Variants in AGBL1 observed in about 807,000 individuals in gnomAD.
AGBL1 encodes the protein AGBL carboxypeptidase 1.
Under a neutral mutation model 118.9 loss-of-function variants are expected in AGBL1, and 130 were observed. The observed-to-expected ratio is 1.09, with a 90% CI of 0.95 to 1.26. AGBL1 has a LOEUF of 1.26. Ranked by LOEUF, AGBL1 falls within the 50% of genes most tolerant of loss-of-function variation. The pLI is 0.00. For synonymous variants in AGBL1, 555 were observed against 478.9 expected (o/e 1.16, Z -2.08); for missense variants, 1,584 against 1,298.1 (o/e 1.22, Z -3.38).
intron 23 of AGBL1, among the ~76,000 whole-genome samples, chr15:86,984,408 G>T (rs554949425): frequency 6.7e-6 from 1 of 149,022 alleles, no homozygotes; most frequent in Non-Finnish European, 1.5e-5. Flanking sequence ...TCTGTCGCCC[G>T]GGCTGGAGTG....
At chr15:87,003,630 T>A (rs927924156) in intron 24 of AGBL1, among the ~76,000 whole-genome samples, 3 of 152,176 alleles carry the variant, frequency 2.0e-5, no homozygotes, top group African/African-American at 7.2e-5. Context: ...GTTGGTAAGC[T>A]ATTAATTATT....
chr15:86,886,182 A>G (rs2079968428), intron 22 of AGBL1, among the ~76,000 whole-genome samples: 1 of 152,244 alleles, frequency 6.6e-6, no homozygotes, highest in African/African-American at 2.4e-5. Context: ...AAAATAAAAC[A>G]CAAAGATAGA....
At chr15:86,794,485 G>A (rs1438763007) in intron 22 of AGBL1, among the ~76,000 whole-genome samples, 1 of 152,100 alleles carries the variant, frequency 6.6e-6, no homozygotes, top group Non-Finnish European at 1.5e-5. Flanking sequence ...ACGGGTACTG[G>A]GTTTCTCCTT....
At chr15:86,902,925 T>C (rs1347407274) in intron 22 of AGBL1, among the ~76,000 whole-genome samples, 2 of 152,204 alleles carry the variant, frequency 1.3e-5, no homozygotes, top group African/African-American at 2.4e-5. Context: ...TTTCTAAGTT[T>C]CTTGTATCTG....
intron 22 of AGBL1, among the ~76,000 whole-genome samples, chr15:86,856,622 T>C (rs112919649): frequency 2.0e-5 from 3 of 152,268 alleles, no homozygotes; most frequent in African/African-American, 7.2e-5. Flanking sequence ...CAGCAGGCAC[T>C]GTGTGTGCAT....
intron 11 of AGBL1, 92 bp from the exon 12 acceptor site, chr15:86,266,282 G>A (rs1412107893): frequency 1.2e-6 from 1 of 827,002 alleles, no homozygotes; most frequent in Non-Finnish European, 1.8e-6. Flanking sequence ...TATTTTTCTG[G>A]TGACCCCCAA....
chr15:86,769,701 T>C (rs1426220514), intron 22 of AGBL1, among the ~76,000 whole-genome samples: 1 of 151,994 alleles, frequency 6.6e-6, no homozygotes, highest in Non-Finnish European at 1.5e-5. Flanking sequence ...TGACTTTCCT[T>C]GGACTTTACT....
chr15:86,990,341 C>G (rs978671243), intron 24 of AGBL1, among the ~76,000 whole-genome samples: 3 of 152,158 alleles, frequency 2.0e-5, no homozygotes, highest in East Asian at 1.9e-4. Context: ...AAGGTGAAAC[C>G]CTGTCTGTAC....
Position 86,633,307 on chromosome 15 carries a change from A to G in AGBL1, c.2995-40966A>G, listed in dbSNP as rs77139416. Reference sequence around the variant, plus strand: ...ATTATTACCTATATCATTAAGACATATCAGATTAGTTTTGCTGTGTTTGGT... The same window carrying G: ...ATTATTACCTATATCATTAAGACATGTCAGATTAGTTTTGCTGTGTTTGGT... On this transcript the variant is annotated intron_variant, in intron 21 of 22. Coordinates refer to ENST00000614907, the MANE Select transcript of AGBL1 (RefSeq NM_001386094.1). Among the ~76,000 whole-genome samples, 959 of 152,260 alleles carry G rather than the reference A, an allele frequency of 6.3e-3. 4 individuals are homozygous for G. Among genetic ancestry groups the G allele is most frequent in the African/African-American group, 0.022 (918 of 41,574 alleles).
intron 23 of AGBL1, among the ~76,000 whole-genome samples, chr15:86,974,984 A>G (rs1454429638): frequency 2.6e-5 from 4 of 152,018 alleles, no homozygotes; most frequent in African/African-American, 2.4e-5. Flanking sequence ...GCAAGGGTCT[A>G]AGAGGTCTCT....
intron 22 of AGBL1, among the ~76,000 whole-genome samples, chr15:86,758,452 T>C (rs1158321414): frequency 6.6e-6 from 1 of 152,138 alleles, no homozygotes; most frequent in East Asian, 1.9e-4. Flanking sequence ...ATTTATATTG[T>C]AATTAATTGA....
At chr15:86,540,608 T>C (rs74490045) in intron 19 of AGBL1, among the ~76,000 whole-genome samples, 2,700 of 152,180 alleles carry the variant, frequency 0.018, 67 homozygotes, top group African/African-American at 0.062. Context: ...GGGCTATTGA[T>C]TAACCTGTAA....
chr15:86,936,970 A>T lies in AGBL1; in HGVS notation c.3222-51017A>T, dbSNP rs79881056. ...ATAAATTTATGAAAGGAAACATACA[A>T]CCCCATTAAAAAGTGGGCAAAGGAC... On this transcript the variant is annotated intron_variant, in intron 23 of 24. Coordinates refer to the AGBL1 transcript ENST00000441037. 7.4e-3 allele frequency among the ~76,000 whole-genome samples: 1,125 copies of T among 152,278 alleles called. 16 individuals carry two copies. The highest frequency in any genetic ancestry group is 0.026 in the African/African-American group (1,065 of 41,556).
intron 21 of AGBL1, among the ~76,000 whole-genome samples, chr15:86,609,206 G>A (rs1405166411): frequency 6.6e-6 from 1 of 152,132 alleles, no homozygotes; most frequent in Non-Finnish European, 1.5e-5. Context: ...GAGGAAACCA[G>A]CCTTCCTCTT....
intron 22 of AGBL1, among the ~76,000 whole-genome samples, chr15:86,804,853 A>G (rs563762743): frequency 6.6e-6 from 1 of 152,302 alleles, no homozygotes; most frequent in South Asian, 2.1e-4. Context: ...TTATTTTCCA[A>G]ACTCACTTTC....
At chr15:86,113,439 C>A (rs985190147) in intron 1 of AGBL1, among the ~76,000 whole-genome samples, 1 of 151,760 alleles carries the variant, frequency 6.6e-6, no homozygotes, top group Non-Finnish European at 1.5e-5. Flanking sequence ...AGGTGCCCAC[C>A]ACCATGCCCG....
chr15:86,928,019 A>T (rs115252532), intron 23 of AGBL1, among the ~76,000 whole-genome samples: 1,871 of 152,296 alleles, frequency 0.012, 39 homozygotes, highest in African/African-American at 0.043. Context: ...AATGTACTTT[A>T]TGTAAGGAAT....
chr15:86,411,055 T>G (rs1211868347), intron 18 of AGBL1, among the ~76,000 whole-genome samples: 1 of 149,468 alleles, frequency 6.7e-6, no homozygotes, highest in Non-Finnish European at 1.5e-5. Flanking sequence ...CAGAGAAAGC[T>G]TGGAACTGAG....
At chr15:86,800,656 G>A (rs1292712052) in intron 22 of AGBL1, among the ~76,000 whole-genome samples, 2 of 152,128 alleles carry the variant, frequency 1.3e-5, no homozygotes, top group Non-Finnish European at 2.9e-5. Context: ...AATATGGCAA[G>A]CAGTGCTAAG....
Sources: allele counts gnomAD v4.1 joint callset (sites outside exome capture counted in the v4.1 genomes callset), GRCh38; gene constraint gnomAD v4.1.1; transcripts MANE v1.5; gene names NCBI Gene and HGNC (gene_info 2026-07-23, HGNC 2026-07-21).